Variants in RYR1 observed in about 807,000 individuals in gnomAD.
The protein encoded by RYR1 is ryanodine receptor 1.
RYR1 carries 342 observed loss-of-function variants against 583.5 expected under a neutral mutation model. The observed-to-expected ratio is 0.59, with a 90% CI of 0.54 to 0.64. The LOEUF (loss-of-function observed/expected upper bound fraction) is 0.64, where lower values mean the gene tolerates loss of function less well. Ranked by LOEUF, RYR1 falls within the 30% of genes least tolerant of loss-of-function variation. The probability of loss-of-function intolerance (pLI) is 0.00; values close to 1 mark genes in which losing one functional copy is unlikely to be tolerated. For synonymous variants in RYR1, 2,791 were observed against 2,822.5 expected, an observed-to-expected ratio of 0.99 and a Z score of 0.35; for missense variants, 6,032 against 6,917.2, an observed-to-expected ratio of 0.87 and a Z score of 4.54.
Position 38,543,255 on chromosome 19 carries a change from C to A in RYR1, c.11690-92C>A. 9.3e-7 allele frequency: 1 copy of A among 1,074,514 alleles called. No homozygotes were observed. The highest frequency in any genetic ancestry group is 1.5e-6 in the Non-Finnish European group (1 of 688,618). The allele number at this position is 1,074,514 out of a possible 1,614,324, so 66.6% of individuals were successfully genotyped here. A position where few individuals can be genotyped will look rare whatever the true frequency, so the allele number is the denominator to read the frequency against. ...TTTCTGGCATACAATAGGAACTCAA[C>A]ACATGAGTATTGCATAAATGAATAA... On this transcript the variant is annotated intron_variant, in intron 84 of 105. Coordinates refer to ENST00000359596, the MANE Select transcript of RYR1 (RefSeq NM_000540.3). The surrounding 1 kb of genome is among the most constrained non-coding windows in gnomAD (Gnocchi z 4.4).
chr19:38,485,240 C>G (rs1343229539), intron 33 of RYR1, among the ~76,000 whole-genome samples: 1 of 152,094 alleles, frequency 6.6e-6, no homozygotes, highest in East Asian at 1.9e-4. Flanking sequence ...CCAGGGACCC[C>G]AGAGGTATCC....
In RYR1 at chr19:38,490,286, C is replaced by A. The variant is rs986051904; in HGVS notation, c.6015+10C>A. On this transcript the variant is annotated intron_variant, in intron 36 of 105. Coordinates refer to ENST00000359596, the MANE Select transcript of RYR1 (RefSeq NM_000540.3). ...CCCACCCCAGGAACAGGTCATCTGA[C>A]CCCTGACGCTGGCCACTTTTACTGT... The A allele has an allele frequency of 1.2e-6, 2 of 1,612,196 alleles. No individual in the cohort carries two copies. The highest frequency in any genetic ancestry group is 1.7e-6 in the Non-Finnish European group (2 of 1,179,100).
chr19:38,468,095 ACCATCCAT>A lies in RYR1; in HGVS notation c.3381+287_3381+294del, dbSNP rs57656212. 0.59 allele frequency among the ~76,000 whole-genome samples: 80,276 copies of A among 135,920 alleles called. 23,596 individuals are homozygous for A. Among genetic ancestry groups the A allele is most frequent in the Middle Eastern group, 0.7 (186 of 266 alleles). The allele number at this position is 135,920 out of a possible 152,430, so 89.2% of individuals were successfully genotyped here. ...ATCCATCCATCCATCCATCCATCCA[ACCATCCAT>A]CCAGCTAACCAACCATCCATTCATC... On this transcript the variant is annotated intron_variant, in intron 25 of 105. Transcript: ENST00000359596.
chr19:38,572,410 A>T (rs1973762649), intron 95 of RYR1, 140 bp downstream of exon 95: 1 of 1,045,786 alleles, frequency 9.6e-7, no homozygotes, highest in East Asian at 2.6e-5. Context: ...AGGGCTGGGG[A>T]ACTGGGTACA....
At chr19:38,464,554 A>C in intron 22 of RYR1, 85 bp from the exon 23 acceptor site, 2 of 1,131,282 alleles carry the variant, frequency 1.8e-6, no homozygotes, top group Admixed American at 2.0e-5. Context: ...AGGTAGAGGG[A>C]GCTGGAGACC....
chr19:38,519,096 C>G, intron 66 of RYR1, 118 bp from the exon 67 acceptor site: 2 of 1,544,736 alleles, frequency 1.3e-6, no homozygotes, highest in Non-Finnish European at 1.8e-6. Context: ...TAGGGTCAGG[C>G]TGGGGTCAAA....
At position 38,518,927 on chromosome 19, in the gene RYR1, C is replaced by CA. The variant is rs549791781; in HGVS notation, c.10019-272dup. Among the ~76,000 whole-genome samples, 1,424 of 118,410 alleles carry CA rather than the reference C, an allele frequency of 0.012. 4 individuals are homozygous for CA. The highest frequency in any genetic ancestry group is 0.024 in the African/African-American group (740 of 31,012). 77.7% of individuals were successfully genotyped at this position (118,410 alleles called of 152,430 possible). A position where few individuals can be genotyped will look rare whatever the true frequency, so the allele number is the denominator to read the frequency against. ...GGGTGACAAGAGTGAAACTCTGTCT[C>CA]AAAAAAAAAAAAAAAGTTAGGTAAC... is the stretch of plus-strand genomic sequence containing the variant. On this transcript the variant is annotated intron_variant, in intron 66 of 105. Coordinates refer to ENST00000359596, the MANE Select transcript of RYR1 (RefSeq NM_000540.3).
chr19:38,502,621 A>T lies in RYR1; in HGVS notation c.7729A>T (p.Ile2577Phe). ...PLFAGTEHRA[I>F]MVDSMLHTVY... is the part of the protein sequence containing the mutation. The stretch of plus-strand genomic sequence containing the variant: ...CTTTGCGGGCACAGAACACCGCGCC[A>T]TCATGGTGGACTCTATGCTGCATAC... Residue 2577 changes from isoleucine to phenylalanine, a missense_variant, in exon 48 of 106, where the codon ATC becomes TTC. Physicochemically the swap from Ile to Phe is conservative, Grantham distance 21. Around this residue, in one of 11 missense-constraint regions of RYR1, gnomAD observed 250 missense variants for 162.3 expected, o/e 1.54. Coordinates refer to ENST00000359596, the MANE Select transcript of RYR1 (RefSeq NM_000540.3). 3 of 1,612,754 alleles carry T rather than the reference A, an allele frequency of 1.9e-6. No homozygotes were observed. The highest frequency in any genetic ancestry group is 2.5e-6 in the Non-Finnish European group (3 of 1,179,878).
At chr19:38,498,057 C>G (rs141186676) in intron 42 of RYR1, among the ~76,000 whole-genome samples, 1 of 152,148 alleles carries the variant, frequency 6.6e-6, no homozygotes, top group Admixed American at 6.5e-5. Flanking sequence ...AGGTGGTCAT[C>G]ATGGGGAAGA....
intron 96 of RYR1, among the ~76,000 whole-genome samples, chr19:38,574,282 GAAAAAGAAAGGAAAAAAA>G (rs1973858465): frequency 7.7e-6 from 1 of 129,526 alleles, no homozygotes; most frequent in Non-Finnish European, 1.6e-5. Flanking sequence ...AAAAGGAAAA[GAAAAAGAAAGGAAAAAAA>G]AAAAAGAAAG....
At chr19:38,461,350 G>C (rs1301483428) in intron 20 of RYR1, among the ~76,000 whole-genome samples, 1 of 152,008 alleles carries the variant, frequency 6.6e-6, no homozygotes, top group African/African-American at 2.4e-5. Flanking sequence ...CTAGAAGCTG[G>C]GAACCTCGTT....
At position 38,549,957 on chromosome 19, in the gene RYR1, T is replaced by C. The variant is rs146359490; in HGVS notation, c.12282+1537T>C. On this transcript the variant is annotated intron_variant, in intron 89 of 105. Coordinates refer to ENST00000359596, the MANE Select transcript of RYR1 (RefSeq NM_000540.3). ...TTTTAGTAGAGATGGGATTTCACCA[T>C]GTTGGCCAGGCTGGTCTTGAACTCC... Among the ~76,000 whole-genome samples, 117 of 150,938 alleles carry C rather than the reference T, an allele frequency of 7.8e-4. 1 individual carries two copies. In the East Asian group the frequency reaches 0.02, roughly 25 times the overall value.
At chr19:38,553,775 T>G (rs1601019225) in intron 89 of RYR1, among the ~76,000 whole-genome samples, 1 of 152,268 alleles carries the variant, frequency 6.6e-6, no homozygotes, top group Admixed American at 6.5e-5. Context: ...TTCTTTTGTA[T>G]CCTTCCATCA....
At chr19:38,538,561 G>A (rs11881082) in intron 84 of RYR1, 9,919 of 154,022 alleles carry the variant, frequency 0.064, 468 homozygotes, top group South Asian at 0.23. Context: ...TCCCACAGGC[G>A]CTCTGCAGTG....
Position 38,463,633 on chromosome 19 carries a change from G to A in RYR1, c.2682+106G>A, listed in dbSNP as rs564958460. 580 of 1,447,726 alleles carry A rather than the reference G, an allele frequency of 4.0e-4. 1 individual carries two copies. The highest frequency in any genetic ancestry group is 1.7e-4 in the Middle Eastern group (1 of 5,726). 89.7% of individuals were successfully genotyped at this position (1,447,726 alleles called of 1,614,324 possible). On this transcript the variant is annotated intron_variant, in intron 21 of 105. Transcript: ENST00000359596. ...GGGAGGGACCACAGGGCACCAGGGGGTCCTTGGACTGAGGGTGGCAGAACT... is the reference window on the plus strand; with the variant it reads ...GGGAGGGACCACAGGGCACCAGGGGATCCTTGGACTGAGGGTGGCAGAACT...
intron 34 of RYR1, among the ~76,000 whole-genome samples, chr19:38,486,948 C>T (rs2145549635): frequency 6.6e-6 from 1 of 152,266 alleles, no homozygotes; most frequent in South Asian, 2.1e-4. Flanking sequence ...CATTCATGTA[C>T]CCATCTATCC....
chr19:38,455,168 C>A, intron 13 of RYR1, 67 bp from the exon 14 acceptor site: 1 of 1,574,020 alleles, frequency 6.4e-7, no homozygotes, highest in South Asian at 1.1e-5. Flanking sequence ...ATTCGTGAAT[C>A]CAAGAAAGAC....
At position 38,523,085 on chromosome 19, in the gene RYR1, C is replaced by T. The variant is rs1174927393; in HGVS notation, c.10317C>T (p.Gly3439=). 7 of 1,612,318 alleles carry T rather than the reference C, an allele frequency of 4.3e-6. No individual in the cohort carries two copies. The highest frequency in any genetic ancestry group is 1.3e-5 in the African/African-American group (1 of 74,792). ...PSAEELFRMV[G]EIFIYWSKSH... is the part of the protein sequence containing the mutation. ...CGGAGGAGCTGTTCAGGATGGTGGGCGAGATCTTCATCTACTGGTCCAAGT... is the reference window on the plus strand; with the variant it reads ...CGGAGGAGCTGTTCAGGATGGTGGGTGAGATCTTCATCTACTGGTCCAAGT... The change falls in exon 68 of 106, where the codon GGC becomes GGT. Residue 3439 remains glycine, a synonymous_variant. Transcript: ENST00000359596.
At chr19:38,545,147 G>A (rs1447472550) in intron 87 of RYR1, among the ~76,000 whole-genome samples, 1 of 152,118 alleles carries the variant, frequency 6.6e-6, no homozygotes, top group Admixed American at 6.6e-5. Flanking sequence ...AATCATCATA[G>A]GCTTAGGAAA....
Sources: allele counts gnomAD v4.1 joint callset (sites outside exome capture counted in the v4.1 genomes callset), GRCh38; gene constraint gnomAD v4.1.1; regional missense constraint gnomAD v4.1.1; non-coding constraint Gnocchi (gnomAD v3.1); transcripts MANE v1.5; gene names NCBI Gene and HGNC (gene_info 2026-07-23, HGNC 2026-07-21).